CLEC1A: variants seen among roughly 807,000 people sequenced by gnomAD.
The protein encoded by CLEC1A is C-type lectin-like receptor-1.
CLEC1A carries 34 observed loss-of-function variants against 28.7 expected under a neutral mutation model. The observed-to-expected ratio is 1.18, with a 90% CI of 0.90 to 1.57. The LOEUF (loss-of-function observed/expected upper bound fraction) is 1.57. CLEC1A is among the 40% of genes most tolerant of loss of function. The pLI is 0.00. For missense variants in CLEC1A, 385 were observed against 339.5 expected (o/e 1.13, Z -1.05); for synonymous variants, 116 against 121.0 (o/e 0.96, Z 0.27).
chr12:10,073,102 C>T (rs965774541), intron 5 of CLEC1A, among the ~76,000 whole-genome samples, 191 bp downstream of exon 5: 2 of 151,228 alleles, frequency 1.3e-5, no homozygotes, highest in East Asian at 3.9e-4. Flanking sequence ...AACGAACAAA[C>T]ACACACACAC....
At chr12:10,087,581 G>A (rs1472741223) in intron 2 of CLEC1A, among the ~76,000 whole-genome samples, 1 of 143,212 alleles carries the variant, frequency 7.0e-6, no homozygotes, top group Non-Finnish European at 1.5e-5. Context: ...GCAGTGCAGT[G>A]GTGTGATCTT....
At chr12:10,079,691 G>A (rs1401833932) in intron 3 of CLEC1A, among the ~76,000 whole-genome samples, 1 of 151,664 alleles carries the variant, frequency 6.6e-6, no homozygotes, top group Non-Finnish European at 1.5e-5. Context: ...ATGTGGTGGT[G>A]CATGCCTGTA....
rs79368708 is a variant in CLEC1A at position 10,080,653 on chromosome 12, G to C, written c.391+584C>G. Among the ~76,000 whole-genome samples, 820 of 152,302 alleles carry C rather than the reference G, an allele frequency of 5.4e-3. 3 individuals are homozygous for C. Among genetic ancestry groups the C allele is most frequent in the African/African-American group, 0.019 (802 of 41,554 alleles). ...ATCACAAAACCTGAAAAGAATAGGA[G>C]AATAGGAATACACATGCACTCACAC... On this transcript the variant is annotated intron_variant, in intron 3 of 5. Transcript: ENST00000315330.
chr12:10,082,314 T>A (rs1235983421), intron 2 of CLEC1A, among the ~76,000 whole-genome samples: 1 of 152,082 alleles, frequency 6.6e-6, no homozygotes, highest in Non-Finnish European at 1.5e-5. Context: ...AGGCATGAGC[T>A]GCCAGGATAT....
At chr12:10,098,709 A>G (rs1947809668) in intron 1 of CLEC1A, 99 bp downstream of exon 1, 1 of 729,414 alleles carries the variant, frequency 1.4e-6, no homozygotes, top group Non-Finnish European at 2.2e-6. Flanking sequence ...AAATAAAATT[A>G]TAAGATGCAA....
chr12:10,075,388 G>C (rs980658595), intron 4 of CLEC1A, 116 bp downstream of exon 4: 3 of 1,081,164 alleles, frequency 2.8e-6, no homozygotes, highest in African/African-American at 3.2e-5. Context: ...GGCCCTGATC[G>C]AAACAGGTTC....
intron 2 of CLEC1A, among the ~76,000 whole-genome samples, chr12:10,088,694 A>G (rs1442214358): frequency 6.6e-6 from 1 of 151,972 alleles, no homozygotes; most frequent in East Asian, 1.9e-4. Flanking sequence ...TATGGTGATT[A>G]AGGAGTTTAC....
chr12:10,077,749 C>A (rs12321012), intron 3 of CLEC1A, among the ~76,000 whole-genome samples: 4,025 of 152,108 alleles, frequency 0.026, 165 homozygotes, highest in African/African-American at 0.091. Flanking sequence ...AAAGAAAAGG[C>A]TAATCGTCTT....
rs1415440004 is a variant in CLEC1A, at chr12:10,070,970, T to C, written c.*363A>G. The C allele has an allele frequency of 6.1e-6, 1 of 162,876 alleles. No homozygotes were observed. Among genetic ancestry groups the C allele is most frequent in the Non-Finnish European group, 1.3e-5 (1 of 75,366 alleles). 10.1% of individuals were successfully genotyped at this position (162,876 alleles called of 1,614,324 possible). A position where few individuals can be genotyped will look rare whatever the true frequency, so the allele number is the denominator to read the frequency against. On this transcript the variant is annotated 3_prime_UTR_variant, in exon 6 of 6. Coordinates refer to ENST00000315330, the MANE Select transcript of CLEC1A (RefSeq NM_016511.4). ...AGAAAAGGATGTTACCTCAATGTAT[T>C]TCCTCTACTTCAAAAAGTTTCTTAT...
chr12:10,092,293 T>C, intron 1 of CLEC1A: 1 of 193,600 alleles, frequency 5.2e-6, no homozygotes, highest in South Asian at 5.5e-5. Context: ...GGAGGATTGC[T>C]TTGGGCCAGG....
At position 10,082,023 on chromosome 12, in the gene CLEC1A, G is replaced by A. The variant is rs192357412; in HGVS notation, c.215-610C>T. On this transcript the variant is annotated intron_variant, in intron 2 of 5. Transcript: ENST00000315330. Reference sequence around the variant, plus strand: ...TCCCATTCTCCAGCTCAAGCCCAGGGAAGCCATCCCTGACTTTGTCTCACA... The same window carrying A: ...TCCCATTCTCCAGCTCAAGCCCAGGAAAGCCATCCCTGACTTTGTCTCACA... Among the ~76,000 whole-genome samples the A allele has an allele frequency of 1.8e-4, 27 of 152,308 alleles. No homozygotes were observed. The East Asian group carries it at 4.8e-3, about 27-fold the overall frequency.
intron 4 of CLEC1A, among the ~76,000 whole-genome samples, chr12:10,075,244 C>T (rs1866224855): frequency 6.6e-6 from 1 of 152,192 alleles, no homozygotes; most frequent in Non-Finnish European, 1.5e-5. Flanking sequence ...GAAGTTAAGA[C>T]ATTCTAACTT....
chr12:10,098,852 G>T lies in CLEC1A; in HGVS notation c.71C>A (p.Ser24Tyr). The T allele has an allele frequency of 6.2e-7, 1 of 1,613,552 alleles. No homozygotes were observed. Among genetic ancestry groups the T allele is most frequent in the Non-Finnish European group, 8.5e-7 (1 of 1,179,764 alleles). ...DDGDTTMSLHSQGSATTRHPE... is the reference protein window; with the variant it reads ...DDGDTTMSLHYQGSATTRHPE... ...ATGCCGAGTTGTGGCAGAGCCTTGA[G>T]AATGCAGGCTCATGGTGGTGTCCCC... is the stretch of plus-strand genomic sequence containing the variant. Residue 24 changes from serine (S) to tyrosine (Y), a missense_variant, in exon 1 of 6, where the codon TCT becomes TAT. Coordinates refer to ENST00000315330, the MANE Select transcript of CLEC1A (RefSeq NM_016511.4).
intron 5 of CLEC1A, among the ~76,000 whole-genome samples, chr12:10,072,920 A>G (rs1239971951): frequency 6.6e-6 from 1 of 152,110 alleles, no homozygotes; most frequent in African/African-American, 2.4e-5. Flanking sequence ...CTTTCCAAAA[A>G]AGACAAAAAA....
In CLEC1A at chr12:10,089,123, C is replaced by G. The variant is rs768665720; in HGVS notation, c.214+1G>C. On this transcript the variant is annotated splice_donor_variant, in intron 2 of 5. Coordinates refer to ENST00000315330, the MANE Select transcript of CLEC1A (RefSeq NM_016511.4). LOFTEE classifies it high-confidence loss of function. ...TCCCCCAGGTCAGAGCGCAGACTTACACAAAAGCCCCAGGGCTGCCAGCCC... is the reference window on the plus strand; with the variant it reads ...TCCCCCAGGTCAGAGCGCAGACTTAGACAAAAGCCCCAGGGCTGCCAGCCC... 1 of 1,612,854 alleles carries G rather than the reference C, an allele frequency of 6.2e-7. No individual in the cohort carries two copies. The highest frequency in any genetic ancestry group is 1.3e-5 in the African/African-American group (1 of 74,902).
chr12:10,094,945 G>A (rs3912642), intron 1 of CLEC1A, among the ~76,000 whole-genome samples: 3,994 of 149,638 alleles, frequency 0.027, 222 homozygotes, highest in East Asian at 0.18. Flanking sequence ...CTGGGAACTC[G>A]CAAAACTAAA....
intron 1 of CLEC1A, among the ~76,000 whole-genome samples, chr12:10,090,186 C>T (rs1353048807): frequency 2.0e-5 from 3 of 152,168 alleles, no homozygotes; most frequent in Admixed American, 6.5e-5. Context: ...ATTCAAGTCA[C>T]GTTCTGAAAC....
chr12:10,073,438 T>G (rs768199811), intron 4 of CLEC1A, 27 bp from the exon 5 acceptor site: 19 of 1,560,100 alleles, frequency 1.2e-5, no homozygotes, highest in Admixed American at 1.7e-5. Context: ...AGAAAAGCTT[T>G]AGCTTTGGTG....
intron 3 of CLEC1A, 46 bp from the exon 4 acceptor site, chr12:10,075,701 C>T (rs1866237937): frequency 6.4e-7 from 1 of 1,563,514 alleles, no homozygotes; most frequent in African/African-American, 1.4e-5. Context: ...ATGAGTCTGT[C>T]TTGCTCCTCT....
Sources: allele counts gnomAD v4.1 joint callset (sites outside exome capture counted in the v4.1 genomes callset), GRCh38; gene constraint gnomAD v4.1.1; transcripts MANE v1.5; gene names NCBI Gene and HGNC (gene_info 2026-07-23, HGNC 2026-07-21).